The following RTN1 variants were observed in gnomAD, a reference collection of about 807,000 sequenced individuals.
RTN1 encodes reticulon 1, also known as reticulon-1.
A neutral mutation model predicts 65.5 loss-of-function variants in RTN1; 25 were observed. The observed-to-expected ratio is 0.38, with a 90% confidence interval of 0.28 to 0.53. The LOEUF (loss-of-function observed/expected upper bound fraction) is 0.53. RTN1 is among the 20% of genes least tolerant of loss of function. The pLI is 0.79. For missense variants in RTN1, 983 were observed against 1,025.4 expected (o/e 0.96, Z 0.57); for synonymous variants, 471 against 447.6 (o/e 1.05, Z -0.66).
intron 1 of RTN1, among the ~76,000 whole-genome samples, chr14:59,802,885 G>C (rs1886571828): frequency 6.6e-6 from 1 of 152,048 alleles, no homozygotes. Flanking sequence ...CCAGCCTTTT[G>C]CCTGTCTAAA....
At chr14:59,850,533 T>C (rs981365854) in intron 1 of RTN1, among the ~76,000 whole-genome samples, 1 of 152,204 alleles carries the variant, frequency 6.6e-6, no homozygotes, top group Non-Finnish European at 1.5e-5. Flanking sequence ...GAGGACCATA[T>C]ACATTTCGAA....
intron 3 of RTN1, among the ~76,000 whole-genome samples, chr14:59,633,355 T>G (rs943071246): frequency 1.3e-5 from 2 of 152,206 alleles, no homozygotes; most frequent in Non-Finnish European, 2.9e-5. Context: ...GAATCACCTG[T>G]ATTGTAAAAG....
intron 3 of RTN1, among the ~76,000 whole-genome samples, chr14:59,609,318 T>A: frequency 6.6e-6 from 1 of 150,876 alleles, no homozygotes; most frequent in African/African-American, 2.4e-5. Context: ...TCATTTGGCC[T>A]AATCCTTTTC....
intron 3 of RTN1, among the ~76,000 whole-genome samples, chr14:59,612,952 C>T (rs962489002): frequency 6.6e-6 from 1 of 152,130 alleles, no homozygotes; most frequent in African/African-American, 2.4e-5. Flanking sequence ...CAGTGGTGGC[C>T]GGGGTTCAAT....
intron 1 of RTN1, among the ~76,000 whole-genome samples, chr14:59,775,049 TG>T (rs1484516805): frequency 6.6e-6 from 1 of 152,184 alleles, no homozygotes; most frequent in Non-Finnish European, 1.5e-5. Context: ...GGGATGTAGT[TG>T]TCCAGCTAGG....
chr14:59,786,779 C>A (rs896928996), intron 1 of RTN1, among the ~76,000 whole-genome samples: 2 of 152,176 alleles, frequency 1.3e-5, no homozygotes, highest in Admixed American at 6.5e-5. Context: ...CCAATGATTT[C>A]ACCTTTGCTG....
intron 1 of RTN1, among the ~76,000 whole-genome samples, chr14:59,853,737 C>T (rs1385439199): frequency 6.6e-6 from 1 of 152,030 alleles, no homozygotes; most frequent in Non-Finnish European, 1.5e-5. Context: ...TTAAAGTTAA[C>T]AAAAAATCCC....
intron 8 of RTN1, among the ~76,000 whole-genome samples, chr14:59,597,727 TACC>T (rs1261223348): frequency 6.6e-6 from 1 of 152,186 alleles, no homozygotes; most frequent in Non-Finnish European, 1.5e-5. Context: ...GTAAGGTGTG[TACC>T]ACCTCTTTTA....
At chr14:59,675,052 T>TACAC (rs5809041) in intron 3 of RTN1, among the ~76,000 whole-genome samples, 4,488 of 148,188 alleles carry the variant, frequency 0.03, 88 homozygotes, top group African/African-American at 0.06. Flanking sequence ...TGCAGATGAA[T>TACAC]ACACACACAC....
At chr14:59,619,392 C>A (rs1159938415) in intron 3 of RTN1, among the ~76,000 whole-genome samples, 1 of 152,152 alleles carries the variant, frequency 6.6e-6, no homozygotes, top group Non-Finnish European at 1.5e-5. Flanking sequence ...CTGACAATTG[C>A]ACACATTACT....
rs768483248 is a variant in RTN1, at chr14:59,661,259, CAAAAAAA to C, written c.1766-53774_1766-53768del. 1.3e-4 allele frequency among the ~76,000 whole-genome samples: 11 copies of C among 83,382 alleles called. No individual in the cohort carries two copies. In the South Asian group the frequency reaches 4.5e-3, roughly 34 times the overall value. 54.7% of individuals were successfully genotyped at this position (83,382 alleles called of 152,430 possible). ...AGGCAGTAATTAATAGCCTACCAAC[CAAAAAAA>C]AAAAAAAAAAAAAGCCCAGGACCAT... On this transcript the variant is annotated intron_variant, in intron 3 of 8. Coordinates refer to ENST00000267484, the MANE Select transcript of RTN1 (RefSeq NM_021136.3).
At chr14:59,741,435 G>T (rs1445930289) in intron 2 of RTN1, among the ~76,000 whole-genome samples, 1 of 151,914 alleles carries the variant, frequency 6.6e-6, no homozygotes, top group African/African-American at 2.4e-5. Flanking sequence ...TATATATTTG[G>T]TTATTTGTGT....
chr14:59,604,051 G>T (rs545598623), intron 5 of RTN1, 130 bp from the exon 6 acceptor site: 3 of 576,744 alleles, frequency 5.2e-6, no homozygotes, highest in Admixed American at 5.1e-5. Flanking sequence ...AATGAAAGGC[G>T]TTGAAAGCTC....
intron 1 of RTN1, among the ~76,000 whole-genome samples, chr14:59,850,758 T>C (rs1887490918): frequency 6.6e-6 from 1 of 152,222 alleles, no homozygotes; most frequent in Admixed American, 6.5e-5. Context: ...CAAATATTTA[T>C]ACAGTCCTTA....
rs1412554079 is a variant in RTN1, at chr14:59,712,709, T to C, written c.1765+14210A>G. Among the ~76,000 whole-genome samples, 6 of 152,128 alleles carry C rather than the reference T, an allele frequency of 3.9e-5. No homozygotes were observed. The East Asian group carries it at 1.2e-3, about 29-fold the overall frequency. ...GGCTGATCACCTGAGGTCAGGAGTT[T>C]GAGACCAGCCTGGGCAACATGGTGA... is the stretch of plus-strand genomic sequence containing the variant. On this transcript the variant is annotated intron_variant, in intron 3 of 8. Coordinates refer to ENST00000267484, the MANE Select transcript of RTN1 (RefSeq NM_021136.3).
intron 1 of RTN1, among the ~76,000 whole-genome samples, chr14:59,820,375 T>G (rs1886921401): frequency 7.3e-6 from 1 of 137,912 alleles, no homozygotes; most frequent in Non-Finnish European, 1.6e-5. Flanking sequence ...TTTTTTTTTT[T>G]TTTTGCTGTG....
At chr14:59,801,563 CA>C (rs1313437764) in intron 1 of RTN1, among the ~76,000 whole-genome samples, 1 of 152,094 alleles carries the variant, frequency 6.6e-6, no homozygotes, top group African/African-American at 2.4e-5. Flanking sequence ...CAAACTATAG[CA>C]AGGAGAATCA....
chr14:59,630,861 AG>A, intron 3 of RTN1: 1 of 994,790 alleles, frequency 1.0e-6, no homozygotes, highest in Non-Finnish European at 1.2e-6. Context: ...GTTTGGGAGG[AG>A]GGGAAAAAGG....
intron 3 of RTN1, among the ~76,000 whole-genome samples, chr14:59,677,358 T>C (rs1159126875): frequency 6.6e-6 from 1 of 152,210 alleles, no homozygotes; most frequent in South Asian, 2.1e-4. Flanking sequence ...TTTCCAGGGA[T>C]GCTGGTACCC....
Sources: allele counts gnomAD v4.1 joint callset (sites outside exome capture counted in the v4.1 genomes callset), GRCh38; gene constraint gnomAD v4.1.1; transcripts MANE v1.5; gene names NCBI Gene and HGNC (gene_info 2026-07-23, HGNC 2026-07-21).